SYNE1: variants seen among roughly 807,000 people sequenced by gnomAD.
SYNE1 encodes nesprin-1.
In SYNE1, 616 loss-of-function variants were observed where a neutral mutation model predicts 1,111.0. The observed-to-expected ratio is 0.55, with a 90% CI of 0.52 to 0.59. SYNE1 has a LOEUF of 0.59. Among genes scored for constraint, SYNE1 ranks in the 20% least tolerant of loss-of-function variants. The pLI, the probability that SYNE1 is intolerant of heterozygous loss-of-function variation, is 0.00. For missense variants in SYNE1, 10,006 were observed against 10,417.0 expected, an observed-to-expected ratio of 0.96 and a Z score of 1.72; for synonymous variants, 3,855 against 3,825.8, an observed-to-expected ratio of 1.01 and a Z score of -0.28.
At position 152,510,389 on chromosome 6, in the gene SYNE1, G is replaced by A; in HGVS notation, c.403-18C>T. 6.2e-7 allele frequency: 1 copy of A among 1,612,852 alleles called. No homozygotes were observed. The highest frequency in any genetic ancestry group is 8.5e-7 in the Non-Finnish European group (1 of 1,179,500). ...TCTTCAATCTGTTTGTGAGTTAACAGCCAGCAAAAATATAAGCATTATCTT... is the reference window on the plus strand; with the variant it reads ...TCTTCAATCTGTTTGTGAGTTAACAACCAGCAAAAATATAAGCATTATCTT... On this transcript the variant is annotated intron_variant, in intron 7 of 145. Coordinates refer to ENST00000367255, the MANE Select transcript of SYNE1 (RefSeq NM_182961.4).
Position 152,189,292 on chromosome 6 carries a change from A to G in SYNE1, c.23261T>C (p.Val7754Ala). The G allele has an allele frequency of 6.2e-7, 1 of 1,613,932 alleles. No individual in the cohort carries two copies. Among genetic ancestry groups the G allele is most frequent in the South Asian group, 1.1e-5 (1 of 91,074 alleles). The change falls in exon 128 of 146, where the codon GTA becomes GCA. Residue 7754 changes from valine to alanine, a missense_variant. Coordinates refer to ENST00000367255, the MANE Select transcript of SYNE1 (RefSeq NM_182961.4). ...ADDISILNER[V>A]ELLQRQWEEL... ...TTCCCACTGCCTTTGCAGAAGCTCT[A>G]CGCGTTCATTAAGAATGGAGATATC... is the stretch of plus-strand genomic sequence containing the variant.
At chr6:152,493,101 C>T (rs767802246) in intron 11 of SYNE1, among the ~76,000 whole-genome samples, 8 of 152,062 alleles carry the variant, frequency 5.3e-5, no homozygotes, top group Non-Finnish European at 8.8e-5. Flanking sequence ...CCTGAACCCA[C>T]AAGTATGAGA....
intron 66 of SYNE1, 90 bp from the exon 67 acceptor site, chr6:152,355,066 T>C: frequency 1.4e-6 from 2 of 1,401,962 alleles, no homozygotes; most frequent in South Asian, 2.3e-5. Flanking sequence ...TGTGCCCACT[T>C]GAACTTCTCA....
chr6:152,208,118 T>C lies in SYNE1; in HGVS notation c.22678A>G (p.Ser7560Gly). ...TAGCGCTGCCACTGGCGAATCTGGCTGTCAATGATCCCCCGCCTCTGCTGG... is the reference window on the plus strand; with the variant it reads ...TAGCGCTGCCACTGGCGAATCTGGCCGTCAATGATCCCCCGCCTCTGCTGG... ...RAQQRRGIID[S>G]QIRQWQRYRE... Residue 7560 changes from serine (S) to glycine (G), a missense_variant, in exon 125 of 146, where the codon AGC becomes GGC. Coordinates refer to ENST00000367255, the MANE Select transcript of SYNE1 (RefSeq NM_182961.4). 1 of 1,614,132 alleles carries C rather than the reference T, an allele frequency of 6.2e-7. No individual in the cohort carries two copies.
At chr6:152,608,341 T>A (rs2099621981) in intron 3 of SYNE1, among the ~76,000 whole-genome samples, 1 of 152,172 alleles carries the variant, frequency 6.6e-6, no homozygotes, top group Non-Finnish European at 1.5e-5. Flanking sequence ...AGATACTGGC[T>A]ATGGCCTCAA....
chr6:152,499,493 C>A (rs1228566914), intron 10 of SYNE1, among the ~76,000 whole-genome samples: 2 of 151,766 alleles, frequency 1.3e-5, no homozygotes, highest in African/African-American at 4.8e-5. Flanking sequence ...AAAATGAAAG[C>A]CTGGTAGATA....
In SYNE1 at chr6:152,391,527, C is replaced by G. The variant is rs766967106; in HGVS notation, c.7754G>C (p.Ser2585Thr). ...DKLSQRGQLLSEEGHGAGQEG... is the reference protein window; with the variant it reads ...DKLSQRGQLLTEEGHGAGQEG... Reference sequence around the variant, plus strand: ...CTGCCCAGCACCGTGGCCTTCTTCACTCAGAAGCTGCCCTCTCTGGGAAAG... The same window carrying G: ...CTGCCCAGCACCGTGGCCTTCTTCAGTCAGAAGCTGCCCTCTCTGGGAAAG... The change falls in exon 52 of 146, where the codon AGT becomes ACT. Residue 2585 changes from serine to threonine, a missense_variant. This residue lies in a region of SYNE1 where 4,955 missense variants were observed against 5,017.2 expected (regional missense o/e 0.99). Transcript: ENST00000367255. The G allele has an allele frequency of 4.6e-5, 74 of 1,603,174 alleles. No homozygotes were observed. The highest frequency in any genetic ancestry group is 6.1e-5 in the Non-Finnish European group (72 of 1,176,772).
chr6:152,629,677 C>T (rs376991283), intron 2 of SYNE1, among the ~76,000 whole-genome samples: 4 of 151,824 alleles, frequency 2.6e-5, no homozygotes, highest in African/African-American at 7.2e-5. Flanking sequence ...TTGCCATAAA[C>T]GAAATAATTA....
At chr6:152,349,199 A>G (rs991698026) in intron 72 of SYNE1, among the ~76,000 whole-genome samples, 10 of 152,262 alleles carry the variant, frequency 6.6e-5, no homozygotes, top group African/African-American at 2.4e-4. Context: ...AATTGTGACC[A>G]TAACGTCTAT....
chr6:152,471,656 A>G lies in SYNE1; in HGVS notation c.1573T>C (p.Ser525Pro). ...CTCCTCCCGTACTTAATGATCCAAG[A>G]CTTCAGCTTTGACTCTGCAAGAACC... ...LLVLAESKLK[S>P]WIIKYGRRES... The change falls in exon 16 of 146, where the codon TCT (serine) becomes CCT (proline). Residue 525 changes from serine to proline, a missense_variant. Around this residue, in one of 7 missense-constraint regions of SYNE1, gnomAD observed 1,971 missense variants for 2,084.1 expected, o/e 0.95. Coordinates refer to ENST00000367255, the MANE Select transcript of SYNE1 (RefSeq NM_182961.4). 6.2e-7 allele frequency: 1 copy of G among 1,614,022 alleles called. No homozygotes were observed. Among genetic ancestry groups the G allele is most frequent in the African/African-American group, 1.3e-5 (1 of 75,038 alleles).
At chr6:152,383,775 T>G (rs1196885516) in intron 55 of SYNE1, among the ~76,000 whole-genome samples, 1 of 152,226 alleles carries the variant, frequency 6.6e-6, no homozygotes, top group Non-Finnish European at 1.5e-5. Flanking sequence ...TCTATCCGTC[T>G]TCTTAACCTG....
At chr6:152,326,127 A>G in intron 79 of SYNE1, 25 bp from the exon 80 acceptor site, 1 of 1,614,102 alleles carries the variant, frequency 6.2e-7, no homozygotes, top group Non-Finnish European at 8.5e-7. Flanking sequence ...ACAGAAACTG[A>G]TAAGTAGCAC....
intron 3 of SYNE1, among the ~76,000 whole-genome samples, chr6:152,617,828 T>G (rs935668424): frequency 3.9e-5 from 6 of 152,154 alleles, no homozygotes; most frequent in African/African-American, 1.2e-4. Flanking sequence ...AGCTGAGTCT[T>G]GAAACTTGAG....
intron 14 of SYNE1, chr6:152,480,837 T>C (rs900385963): frequency 3.1e-5 from 14 of 455,736 alleles, no homozygotes; most frequent in Non-Finnish European, 6.2e-5. Context: ...GATAACCATT[T>C]TCTCCAACTC....
chr6:152,328,947 G>A lies in SYNE1; in HGVS notation c.14955+783C>T, dbSNP rs189551004. Among the ~76,000 whole-genome samples, 12 of 152,266 alleles carry A rather than the reference G, an allele frequency of 7.9e-5. No homozygotes were observed. The East Asian group carries it at 2.3e-3, about 29-fold the overall frequency. ...TAATGGGATACCCCACAAAAATGTG[G>A]CTTATTGGCAAGGTCAGGGCTGCAT... is the stretch of plus-strand genomic sequence containing the variant. On this transcript the variant is annotated intron_variant, in intron 78 of 145. Coordinates refer to ENST00000367255, the MANE Select transcript of SYNE1 (RefSeq NM_182961.4).
chr6:152,458,736 C>T (rs758176582), intron 22 of SYNE1, 21 bp downstream of exon 22: 59 of 1,612,980 alleles, frequency 3.7e-5, no homozygotes, highest in Admixed American at 5.0e-5. Context: ...ATAATTGTCT[C>T]CTGAAAAGGA....
At chr6:152,577,558 G>T (rs574434453) in intron 3 of SYNE1, among the ~76,000 whole-genome samples, 58 of 152,186 alleles carry the variant, frequency 3.8e-4, no homozygotes, top group African/African-American at 1.3e-3. Flanking sequence ...GCGTGACCCC[G>T]GGAGGCGGAG....
At chr6:152,549,153 G>A (rs924033860) in intron 3 of SYNE1, among the ~76,000 whole-genome samples, 1 of 152,188 alleles carries the variant, frequency 6.6e-6, no homozygotes. Flanking sequence ...TGAGGCCTAA[G>A]ACTTCGAGAC....
intron 17 of SYNE1, among the ~76,000 whole-genome samples, 185 bp downstream of exon 17, chr6:152,465,797 A>ACACACACAC (rs1554756957): frequency 4.0e-5 from 6 of 151,248 alleles, no homozygotes; most frequent in Admixed American, 6.6e-5. Flanking sequence ...ACACACACAC[A>ACACACACAC]ATGATTATGC....
Sources: gnomAD v4.1 joint callset for allele counts (sites outside exome capture counted in the v4.1 genomes callset) on GRCh38, gnomAD v4.1.1 for gene constraint, gnomAD v4.1.1 regional missense constraint, MANE v1.5 for transcripts, NCBI Gene and HGNC (gene_info 2026-07-23, HGNC 2026-07-21) for gene names.